Variants in TRAM2 observed in about 807,000 individuals in gnomAD.
TRAM2 encodes the protein translocating chain-associated membrane protein 2.
Under a neutral mutation model 51.0 loss-of-function variants are expected in TRAM2, and 12 were observed. That is an observed-to-expected ratio of 0.24 (90% CI 0.15 to 0.38). The LOEUF (loss-of-function observed/expected upper bound fraction) is 0.38, where lower values mean the gene tolerates loss of function less well. TRAM2 is among the 10% of genes least tolerant of loss of function. The pLI is 1.00. For missense variants in TRAM2, 361 were observed against 462.0 expected, an observed-to-expected ratio of 0.78 and a Z score of 2.00; for synonymous variants, 175 against 179.4, an observed-to-expected ratio of 0.98 and a Z score of 0.20.
chr6:52,506,031 C>G lies in TRAM2; in HGVS notation c.731+1G>C. 1 of 1,614,108 alleles carries G rather than the reference C, an allele frequency of 6.2e-7. No individual in the cohort carries two copies. Among genetic ancestry groups the G allele is most frequent in the Non-Finnish European group, 8.5e-7 (1 of 1,179,972 alleles). On this transcript the variant is annotated splice_donor_variant, in intron 8 of 10. Transcript: ENST00000182527. LOFTEE classifies it high-confidence loss of function. Reference sequence around the variant, plus strand: ...GGCCAGCCTGCAGCAGACCCACTTACAGTTTCTCGTTGTTTTCATCTGCAA... The same window carrying G: ...GGCCAGCCTGCAGCAGACCCACTTAGAGTTTCTCGTTGTTTTCATCTGCAA...
At chr6:52,545,823 TG>T (rs1767188755) in intron 1 of TRAM2, among the ~76,000 whole-genome samples, 2 of 152,102 alleles carry the variant, frequency 1.3e-5, no homozygotes, top group Non-Finnish European at 2.9e-5. Flanking sequence ...GGACCTATGC[TG>T]ACATTCCAAC....
At chr6:52,506,160 T>TA (rs1427506917) in intron 7 of TRAM2, 24 bp from the exon 8 acceptor site, 2 of 1,602,686 alleles carry the variant, frequency 1.2e-6, no homozygotes, top group Admixed American at 1.7e-5. Flanking sequence ...AGACTAGACT[T>TA]ACATTCCCTC....
chr6:52,509,469 G>A, intron 5 of TRAM2, 59 bp downstream of exon 5: 1 of 1,557,060 alleles, frequency 6.4e-7, no homozygotes, highest in Non-Finnish European at 8.8e-7. Context: ...ACTCCGCTGG[G>A]ACAGGAAGGC....
intron 1 of TRAM2, among the ~76,000 whole-genome samples, chr6:52,576,347 GTCT>G (rs1188695510): frequency 6.6e-6 from 1 of 152,208 alleles, no homozygotes; most frequent in Middle Eastern, 3.2e-3. Context: ...AAGGTTCTGG[GTCT>G]CTCCCACTGG....
intron 1 of TRAM2, among the ~76,000 whole-genome samples, chr6:52,536,783 T>C (rs760589334): frequency 6.6e-6 from 1 of 152,128 alleles, no homozygotes; most frequent in Non-Finnish European, 1.5e-5. Flanking sequence ...AGAACCACCA[T>C]CCACACTGTT....
At chr6:52,575,540 CCT>C (rs60774753) in intron 1 of TRAM2, among the ~76,000 whole-genome samples, 32,034 of 152,040 alleles carry the variant, frequency 0.21, 3,979 homozygotes, top group Admixed American at 0.36. Context: ...TTCATCCAAC[CCT>C]GACTTGGCCA....
At chr6:52,509,294 T>C (rs977440764) in intron 5 of TRAM2, among the ~76,000 whole-genome samples, 1 of 152,160 alleles carries the variant, frequency 6.6e-6, no homozygotes. Context: ...TCTCATGCAG[T>C]TGAGGGACCT....
At chr6:52,543,241 C>T (rs1416843121) in intron 1 of TRAM2, among the ~76,000 whole-genome samples, 1 of 152,216 alleles carries the variant, frequency 6.6e-6, no homozygotes, top group African/African-American at 2.4e-5. Flanking sequence ...CTCTCACTCA[C>T]ACCCACCTGC....
chr6:52,510,569 C>T (rs1766433179), intron 4 of TRAM2, among the ~76,000 whole-genome samples: 1 of 152,136 alleles, frequency 6.6e-6, no homozygotes, highest in South Asian at 2.1e-4. Context: ...TCTGAAAGGC[C>T]ACAATCTCAG....
intron 7 of TRAM2, among the ~76,000 whole-genome samples, chr6:52,507,273 G>A (rs1388604374): frequency 5.3e-5 from 8 of 152,212 alleles, no homozygotes; most frequent in African/African-American, 1.9e-4. Context: ...TGTCTCTGTT[G>A]AGGGTCTTCT....
chr6:52,544,463 G>A (rs1767162180), intron 1 of TRAM2, among the ~76,000 whole-genome samples: 1 of 152,122 alleles, frequency 6.6e-6, no homozygotes, highest in African/African-American at 2.4e-5. Flanking sequence ...TCAGGCTGGG[G>A]ACCTCTGCTA....
intron 1 of TRAM2, among the ~76,000 whole-genome samples, chr6:52,572,262 A>T (rs569220871): frequency 2.2e-4 from 34 of 152,368 alleles, no homozygotes; most frequent in Middle Eastern, 6.8e-3. Context: ...GCATAAAGTT[A>T]GGAACTAGAA....
Position 52,576,662 on chromosome 6 carries a change from G to C in TRAM2, c.120+134C>G, listed in dbSNP as rs1046090876. The C allele has an allele frequency of 1.8e-4, 226 of 1,242,758 alleles. 1 individual carries two copies. The highest frequency in any genetic ancestry group is 2.3e-4 in the Non-Finnish European group (210 of 910,886). 77.0% of individuals were successfully genotyped at this position (1,242,758 alleles called of 1,614,324 possible). ...AGGCCGGAGGGGTACAGTGCACAAA[G>C]CCGGGGTGCAGATAACGTACACGGC... On this transcript the variant is annotated intron_variant, in intron 1 of 10. Transcript: ENST00000182527.
At chr6:52,569,447 A>G (rs942945134) in intron 1 of TRAM2, among the ~76,000 whole-genome samples, 1 of 151,502 alleles carries the variant, frequency 6.6e-6, no homozygotes, top group African/African-American at 2.4e-5. Flanking sequence ...AATCTATGGC[A>G]TTTTTGTCAT....
intron 1 of TRAM2, among the ~76,000 whole-genome samples, 168 bp downstream of exon 1, chr6:52,576,628 C>A (rs528211942): frequency 6.6e-6 from 1 of 152,264 alleles, no homozygotes; most frequent in South Asian, 2.1e-4. Flanking sequence ...TCTGGGCTGG[C>A]CGGGGTACAG....
intron 2 of TRAM2, among the ~76,000 whole-genome samples, chr6:52,521,561 G>A (rs1221703183): frequency 2.6e-5 from 4 of 151,842 alleles, no homozygotes; most frequent in Admixed American, 2.0e-4. Flanking sequence ...GCCGGGCGTG[G>A]TGGCGGGCAC....
rs963340408 is a variant in TRAM2 at position 52,501,094 on chromosome 6, A to C, written c.*2103T>G. On this transcript the variant is annotated 3_prime_UTR_variant, in exon 11 of 11. Coordinates refer to ENST00000182527, the MANE Select transcript of TRAM2 (RefSeq NM_012288.4). ...TTGACTAAAGTGGCTAAGGGATCCC[A>C]TATCAGGTCTGCTGTGTTGAAACCA... 2.0e-5 allele frequency: 3 copies of C among 152,236 alleles called. No homozygotes were observed. The highest frequency in any genetic ancestry group is 6.5e-5 in the Admixed American group (1 of 15,284). 9.4% of individuals were successfully genotyped at this position (152,236 alleles called of 1,614,324 possible). A position where few individuals can be genotyped will look rare whatever the true frequency, so the allele number is the denominator to read the frequency against.
rs1766197482 is a variant in TRAM2 at position 52,500,547 on chromosome 6, CATAAA to C, written c.*2645_*2649del. 3.1e-5 allele frequency: 4 copies of C among 130,252 alleles called. No homozygotes were observed. The highest frequency in any genetic ancestry group is 1.3e-4 in the African/African-American group (4 of 30,610). 8.1% of individuals were successfully genotyped at this position (130,252 alleles called of 1,614,324 possible). A position where few individuals can be genotyped will look rare whatever the true frequency, so the allele number is the denominator to read the frequency against. On this transcript the variant is annotated 3_prime_UTR_variant, in exon 11 of 11. Coordinates refer to ENST00000182527, the MANE Select transcript of TRAM2 (RefSeq NM_012288.4). ...TTTTTTGTTTTTTTTTTTTTTTTTA[CATAAA>C]ATAAACCCTTAGCACACCCGTCCAC...
intron 1 of TRAM2, among the ~76,000 whole-genome samples, chr6:52,576,044 C>G (rs528046775): frequency 6.6e-6 from 1 of 152,284 alleles, no homozygotes; most frequent in East Asian, 1.9e-4. Flanking sequence ...CTGCCCCCCA[C>G]TCCTACACTA....
Sources: gnomAD v4.1 joint callset for allele counts (sites outside exome capture counted in the v4.1 genomes callset) on GRCh38, gnomAD v4.1.1 for gene constraint, MANE v1.5 for transcripts, NCBI Gene and HGNC (gene_info 2026-07-23, HGNC 2026-07-21) for gene names.